The following HSDL2 variants were observed in gnomAD, a reference collection of about 807,000 sequenced individuals.
HSDL2 encodes hydroxysteroid dehydrogenase like 2.
HSDL2 carries 27 observed loss-of-function variants against 46.3 expected under a neutral mutation model. That is an observed-to-expected ratio of 0.58 (90% CI 0.43 to 0.80). The LOEUF is 0.80. Ranked by LOEUF, HSDL2 falls within the 30% of genes least tolerant of loss-of-function variation. HSDL2 has a pLI of 0.00. For synonymous variants in HSDL2, 153 were observed against 163.6 expected (o/e 0.94, Z 0.50); for missense variants, 451 against 502.7 (o/e 0.90, Z 0.98).
chr9:112,422,254 A>C (rs1191332685), intron 6 of HSDL2, among the ~76,000 whole-genome samples: 2 of 152,216 alleles, frequency 1.3e-5, no homozygotes, highest in Non-Finnish European at 2.9e-5. Flanking sequence ...ACAGTGCTAT[A>C]AGGAAACAAA....
chr9:112,435,045 A>G (rs1832492669), intron 6 of HSDL2, among the ~76,000 whole-genome samples: 1 of 152,024 alleles, frequency 6.6e-6, no homozygotes, highest in Admixed American at 6.6e-5. Flanking sequence ...ACCTGCTTTT[A>G]TTGTTACCAG....
chr9:112,414,917 G>A (rs1333272617), intron 4 of HSDL2, among the ~76,000 whole-genome samples: 1 of 149,976 alleles, frequency 6.7e-6, no homozygotes, highest in Non-Finnish European at 1.5e-5. Flanking sequence ...CTTGAAAGAA[G>A]AATGAACTAG....
At chr9:112,391,926 A>G (rs947534421) in intron 1 of HSDL2, among the ~76,000 whole-genome samples, 3 of 151,974 alleles carry the variant, frequency 2.0e-5, no homozygotes, top group African/African-American at 7.2e-5. Context: ...GGGCAAAACC[A>G]ATTAATAGGA....
chr9:112,430,156 G>A (rs1832354070), intron 6 of HSDL2, among the ~76,000 whole-genome samples: 3 of 152,024 alleles, frequency 2.0e-5, no homozygotes, highest in Admixed American at 2.0e-4. Flanking sequence ...CAGACCACCA[G>A]GGAAGGTAGG....
intron 4 of HSDL2, among the ~76,000 whole-genome samples, chr9:112,410,290 C>G (rs1831831047): frequency 1.3e-5 from 2 of 152,216 alleles, no homozygotes; most frequent in African/African-American, 4.8e-5. Context: ...TTAGAACTTG[C>G]TTCTGTACCT....
intron 1 of HSDL2, among the ~76,000 whole-genome samples, chr9:112,401,953 C>T (rs1831609425): frequency 6.6e-6 from 1 of 152,172 alleles, no homozygotes; most frequent in East Asian, 1.9e-4. Flanking sequence ...ACAAATTATT[C>T]CTTATTTTAA....
intron 8 of HSDL2, among the ~76,000 whole-genome samples, chr9:112,451,452 T>C (rs1340103965): frequency 1.3e-5 from 2 of 152,204 alleles, no homozygotes; most frequent in African/African-American, 2.4e-5. Flanking sequence ...GTTTTCAAAT[T>C]GTAGAATAAA....
intron 6 of HSDL2, among the ~76,000 whole-genome samples, chr9:112,434,442 A>G (rs1832473447): frequency 1.3e-5 from 2 of 152,246 alleles, no homozygotes; most frequent in Non-Finnish European, 2.9e-5. Flanking sequence ...GCTAGAAATC[A>G]AAACCTGTTC....
intron 3 of HSDL2, among the ~76,000 whole-genome samples, chr9:112,406,957 C>T (rs779323625): frequency 1.8e-4 from 27 of 150,856 alleles, no homozygotes; most frequent in African/African-American, 4.6e-4. Context: ...CCACTCTCCC[C>T]GCTAATGTTC....
chr9:112,391,609 A>G (rs1020784766), intron 1 of HSDL2, among the ~76,000 whole-genome samples: 3 of 152,156 alleles, frequency 2.0e-5, no homozygotes, highest in African/African-American at 7.2e-5. Flanking sequence ...TATTTATAGA[A>G]AAACGGGCAA....
At chr9:112,382,591 A>C (rs1831122414) in intron 1 of HSDL2, among the ~76,000 whole-genome samples, 1 of 152,200 alleles carries the variant, frequency 6.6e-6, no homozygotes, top group African/African-American at 2.4e-5. Flanking sequence ...GCATCTCGTG[A>C]GTAGAGTACA....
chr9:112,455,242 C>T (rs1832989207), intron 9 of HSDL2, among the ~76,000 whole-genome samples: 1 of 151,368 alleles, frequency 6.6e-6, no homozygotes, highest in African/African-American at 2.4e-5. Flanking sequence ...AGACCCATCT[C>T]AAACAAATAA....
chr9:112,456,509 C>A (rs1416181705), intron 9 of HSDL2, among the ~76,000 whole-genome samples: 2 of 152,182 alleles, frequency 1.3e-5, no homozygotes, highest in Non-Finnish European at 2.9e-5. Flanking sequence ...CACACCTTGT[C>A]AGTCTCCCTT....
At chr9:112,405,206 G>A (rs1831697326) in intron 2 of HSDL2, among the ~76,000 whole-genome samples, 1 of 152,068 alleles carries the variant, frequency 6.6e-6, no homozygotes, top group South Asian at 2.1e-4. Context: ...AGAAAAATTA[G>A]CCTGGCGTGG....
chr9:112,433,366 G>C (rs935251957), intron 6 of HSDL2, among the ~76,000 whole-genome samples: 1 of 152,126 alleles, frequency 6.6e-6, no homozygotes, highest in Non-Finnish European at 1.5e-5. Context: ...CTGGAATGTT[G>C]GGTGAGTTTG....
intron 1 of HSDL2, among the ~76,000 whole-genome samples, chr9:112,384,344 TG>T (rs1200779342): frequency 1.3e-5 from 2 of 152,212 alleles, no homozygotes; most frequent in African/African-American, 4.8e-5. Context: ...ACTAATGCTT[TG>T]GAGCTGGAGG....
chr9:112,394,182 G>A (rs188834010), intron 1 of HSDL2, among the ~76,000 whole-genome samples: 305 of 152,228 alleles, frequency 2.0e-3, no homozygotes, highest in Non-Finnish European at 3.3e-3. Flanking sequence ...GGGTGGTAGT[G>A]GGGACAACAG....
At chr9:112,391,838 G>C (rs1226234931) in intron 1 of HSDL2, among the ~76,000 whole-genome samples, 1 of 151,078 alleles carries the variant, frequency 6.6e-6, no homozygotes, top group African/African-American at 2.4e-5. Flanking sequence ...CCAGGAGGTG[G>C]AGGTTGCAGT....
chr9:112,446,261 C>G (rs889597268), intron 8 of HSDL2, among the ~76,000 whole-genome samples: 3 of 152,114 alleles, frequency 2.0e-5, no homozygotes, highest in African/African-American at 7.2e-5. Context: ...GATGTGGCAC[C>G]TGTTGGGCAA....
Sources: gnomAD v4.1 joint callset for allele counts (sites outside exome capture counted in the v4.1 genomes callset) on GRCh38, gnomAD v4.1.1 for gene constraint, MANE v1.5 for transcripts, NCBI Gene and HGNC (gene_info 2026-07-23, HGNC 2026-07-21) for gene names.